SNX29: variants seen among roughly 807,000 people sequenced by gnomAD.
The protein encoded by SNX29 is sorting nexin 29.
Under a neutral mutation model 102.1 loss-of-function variants are expected in SNX29, and 78 were observed. The ratio of observed to expected loss-of-function variants is 0.76; its 90% CI spans 0.64 to 0.92. The LOEUF is 0.92. Among genes scored for constraint, SNX29 ranks in the 40% least tolerant of loss-of-function variants. The pLI, the probability that SNX29 is intolerant of heterozygous loss-of-function variation, is 0.00. For missense variants in SNX29, 1,280 were observed against 1,061.7 expected, an observed-to-expected ratio of 1.21 and a Z score of -2.86; for synonymous variants, 580 against 414.5, an observed-to-expected ratio of 1.40 and a Z score of -4.85.
chr16:12,368,385 T>C (rs562671082), intron 16 of SNX29, among the ~76,000 whole-genome samples: 48 of 152,342 alleles, frequency 3.2e-4, no homozygotes, highest in African/African-American at 7.9e-4. Context: ...ATTTAGAAAC[T>C]TGGTACTCTA....
chr16:12,065,339 C>G (rs370296742), intron 9 of SNX29, among the ~76,000 whole-genome samples: 5 of 152,184 alleles, frequency 3.3e-5, no homozygotes, highest in African/African-American at 1.2e-4. Flanking sequence ...GGAGAGCTAC[C>G]CAGGTTTATT....
At chr16:12,183,413 A>C (rs1197054861) in intron 13 of SNX29, among the ~76,000 whole-genome samples, 2 of 151,812 alleles carry the variant, frequency 1.3e-5, no homozygotes, top group Admixed American at 6.6e-5. Flanking sequence ...AGATTTACCA[A>C]CTTTTTTTTT....
At chr16:12,395,961 T>A (rs2083706200) in intron 16 of SNX29, among the ~76,000 whole-genome samples, 1 of 152,188 alleles carries the variant, frequency 6.6e-6, no homozygotes, top group Non-Finnish European at 1.5e-5. Context: ...TGTTATCAAG[T>A]TATGTTCCTA....
At chr16:12,510,084 C>G (rs551553784) in intron 19 of SNX29, among the ~76,000 whole-genome samples, 1 of 152,234 alleles carries the variant, frequency 6.6e-6, no homozygotes. Context: ...TGCACTCTGC[C>G]TCCGGGACTG....
intron 19 of SNX29, among the ~76,000 whole-genome samples, chr16:12,491,007 G>A (rs918175196): frequency 1.3e-5 from 2 of 152,184 alleles, no homozygotes; most frequent in African/African-American, 2.4e-5. Flanking sequence ...TCACATCAAT[G>A]ATACTTATTC....
chr16:12,440,167 C>T (rs1048899372), intron 18 of SNX29, among the ~76,000 whole-genome samples: 1 of 152,208 alleles, frequency 6.6e-6, no homozygotes, highest in African/African-American at 2.4e-5. Flanking sequence ...GTCACATCCT[C>T]CCTCCCCTTG....
chr16:12,542,711 G>C (rs1274568294), intron 20 of SNX29, among the ~76,000 whole-genome samples: 1 of 151,222 alleles, frequency 6.6e-6, no homozygotes, highest in Non-Finnish European at 1.5e-5. Context: ...GTTGGTCCCA[G>C]TCTTTTACTC....
At chr16:12,323,951 T>G (rs1463531980) in intron 15 of SNX29, among the ~76,000 whole-genome samples, 1 of 152,168 alleles carries the variant, frequency 6.6e-6, no homozygotes, top group Non-Finnish European at 1.5e-5. Context: ...ATTTTCAATT[T>G]GAAAATATAG....
At chr16:12,494,000 C>G (rs1036708476) in intron 19 of SNX29, among the ~76,000 whole-genome samples, 4 of 152,084 alleles carry the variant, frequency 2.6e-5, no homozygotes, top group Admixed American at 1.3e-4. Flanking sequence ...TTTGTGTGTC[C>G]TTTGGCTATT....
intron 19 of SNX29, among the ~76,000 whole-genome samples, chr16:12,517,363 C>T (rs1322316853): frequency 1.3e-5 from 2 of 152,194 alleles, no homozygotes; most frequent in African/African-American, 2.4e-5. Flanking sequence ...TCCTGGGAGC[C>T]CCATGTGACA....
At chr16:12,483,327 T>C (rs1032646019) in intron 19 of SNX29, among the ~76,000 whole-genome samples, 69 of 147,964 alleles carry the variant, frequency 4.7e-4, no homozygotes, top group Admixed American at 9.4e-4. Flanking sequence ...TTCTTTTTTT[T>C]TTTTTTTCCA....
intron 13 of SNX29, among the ~76,000 whole-genome samples, chr16:12,193,435 C>A (rs1048944859): frequency 6.8e-6 from 1 of 147,324 alleles, no homozygotes; most frequent in African/African-American, 2.5e-5. Context: ...CACCACTGCA[C>A]TCCAGCCTGG....
chr16:12,066,137 C>T (rs1461608951), intron 9 of SNX29, among the ~76,000 whole-genome samples: 1 of 152,122 alleles, frequency 6.6e-6, no homozygotes, highest in African/African-American at 2.4e-5. Flanking sequence ...ATGCCTTTGC[C>T]CCAGCTGTGG....
chr16:12,117,525 G>A (rs967300645), intron 11 of SNX29, among the ~76,000 whole-genome samples: 23 of 152,318 alleles, frequency 1.5e-4, no homozygotes, highest in African/African-American at 4.3e-4. Flanking sequence ...TAAAAAAGAA[G>A]ACCACATAAG....
chr16:12,476,440 A>ATATATATATT (rs2087655003), intron 18 of SNX29, among the ~76,000 whole-genome samples: 2 of 94,248 alleles, frequency 2.1e-5, no homozygotes, highest in Non-Finnish European at 4.0e-5. Flanking sequence ...ATATATATAT[A>ATATATATATT]TATGATGAGA....
intron 18 of SNX29, among the ~76,000 whole-genome samples, chr16:12,418,161 G>A (rs1294644504): frequency 2.0e-5 from 3 of 152,174 alleles, no homozygotes; most frequent in Non-Finnish European, 4.4e-5. Context: ...ACCAATTATT[G>A]TTGTAGTACA....
intron 20 of SNX29, among the ~76,000 whole-genome samples, chr16:12,541,005 G>A (rs971412281): frequency 2.0e-5 from 3 of 152,168 alleles, no homozygotes; most frequent in African/African-American, 7.2e-5. Context: ...CTCACTGCGG[G>A]TTTCCTGGGA....
At chr16:12,118,158 T>C (rs2053813795) in intron 11 of SNX29, among the ~76,000 whole-genome samples, 1 of 152,062 alleles carries the variant, frequency 6.6e-6, no homozygotes, top group Non-Finnish European at 1.5e-5. Context: ...CGCTTCTCAC[T>C]AGCCAAGTAA....
In SNX29 at chr16:12,476,313, CA is replaced by C. The variant is rs1190760180; in HGVS notation, c.2038-1396del. ...TGGGCAACAGAGTGAGACTTCGTCT[CA>C]AAAAAAAAAGTGAGCAAAGGACACA... is the stretch of plus-strand genomic sequence containing the variant. On this transcript the variant is annotated intron_variant, in intron 18 of 20. Coordinates refer to ENST00000566228, the MANE Select transcript of SNX29 (RefSeq NM_032167.5). Among the ~76,000 whole-genome samples, 35 of 72,122 alleles carry C rather than the reference CA, an allele frequency of 4.9e-4. 1 individual carries two copies. Among genetic ancestry groups the C allele is most frequent in the East Asian group, 1.6e-3 (3 of 1,892 alleles). 47.3% of individuals were successfully genotyped at this position (72,122 alleles called of 152,430 possible).
Sources: allele counts gnomAD v4.1 joint callset (sites outside exome capture counted in the v4.1 genomes callset), GRCh38; gene constraint gnomAD v4.1.1; transcripts MANE v1.5; gene names NCBI Gene and HGNC (gene_info 2026-07-23, HGNC 2026-07-21).